CLVS2: variants seen among roughly 807,000 people sequenced by gnomAD.
CLVS2 encodes clavesin 2.
In CLVS2, 19 loss-of-function variants were observed where a neutral mutation model predicts 29.0. The observed-to-expected ratio is 0.66, with a 90% confidence interval of 0.46 to 0.96. CLVS2 has a LOEUF of 0.96. Among genes scored for constraint, CLVS2 ranks in the 40% least tolerant of loss-of-function variants. The pLI is 0.00. For missense variants in CLVS2, 294 were observed against 404.1 expected, an observed-to-expected ratio of 0.73 and a Z score of 2.34; for synonymous variants, 161 against 151.3, an observed-to-expected ratio of 1.06 and a Z score of -0.47.
At chr6:123,047,999 G>A (rs1285965150) in intron 3 of CLVS2, among the ~76,000 whole-genome samples, 6 of 152,070 alleles carry the variant, frequency 3.9e-5, no homozygotes, top group Non-Finnish European at 5.9e-5. Flanking sequence ...AGAGAGATTC[G>A]ATTTTCATTT....
At chr6:123,026,365 T>C (rs1010702513) in intron 3 of CLVS2, among the ~76,000 whole-genome samples, 3 of 152,164 alleles carry the variant, frequency 2.0e-5, no homozygotes, top group Admixed American at 1.3e-4. Context: ...CAAAGAGACA[T>C]GATATATGGT....
chr6:123,024,919 A>G (rs932498204), intron 3 of CLVS2, among the ~76,000 whole-genome samples: 3 of 152,132 alleles, frequency 2.0e-5, no homozygotes, highest in Non-Finnish European at 4.4e-5. Context: ...AGGTATTAAA[A>G]TAGTCAACCA....
chr6:123,050,501 G>A (rs759804192), intron 4 of CLVS2, among the ~76,000 whole-genome samples: 1 of 152,208 alleles, frequency 6.6e-6, no homozygotes, highest in Admixed American at 6.5e-5. Flanking sequence ...TCGTAGAGCC[G>A]GATACGTGAA....
chr6:122,998,403 A>G (rs983430207), intron 2 of CLVS2, among the ~76,000 whole-genome samples: 3 of 152,170 alleles, frequency 2.0e-5, no homozygotes, highest in African/African-American at 7.2e-5. Flanking sequence ...TTAAGGTGCT[A>G]CCTTAACCAC....
intron 2 of CLVS2, among the ~76,000 whole-genome samples, chr6:123,007,482 A>G (rs908136583): frequency 2.6e-5 from 4 of 152,214 alleles, no homozygotes; most frequent in Non-Finnish European, 4.4e-5. Flanking sequence ...TAATTCATGA[A>G]TATATATCCT....
At chr6:123,040,769 AAAAAGAAAAGAAAAGAAAAG>A (rs79565060) in intron 3 of CLVS2, among the ~76,000 whole-genome samples, 4 of 145,958 alleles carry the variant, frequency 2.7e-5, no homozygotes, top group African/African-American at 1.0e-4. Flanking sequence ...CTCCGTCTCA[AAAAAGAAAAGAAAAGAAAAG>A]AAAAGAAAAG....
At chr6:123,034,523 C>T (rs1042118413) in intron 3 of CLVS2, among the ~76,000 whole-genome samples, 1 of 152,078 alleles carries the variant, frequency 6.6e-6, no homozygotes, top group African/African-American at 2.4e-5. Flanking sequence ...ATCAAAATTA[C>T]AGAGCCAGAG....
At chr6:123,013,977 C>A (rs1774789299) in intron 3 of CLVS2, among the ~76,000 whole-genome samples, 1 of 152,110 alleles carries the variant, frequency 6.6e-6, no homozygotes, top group Non-Finnish European at 1.5e-5. Context: ...CATGTCCCTA[C>A]AAAGGACATG....
chr6:123,050,714 A>T (rs9388174), intron 4 of CLVS2, among the ~76,000 whole-genome samples: 1 of 151,834 alleles, frequency 6.6e-6, no homozygotes, highest in African/African-American at 2.4e-5. Context: ...ACAGGGACTC[A>T]TATACCATTG....
chr6:123,049,807 G>GGGC (rs1554203172), intron 4 of CLVS2, among the ~76,000 whole-genome samples: 5 of 143,398 alleles, frequency 3.5e-5, no homozygotes, highest in African/African-American at 1.5e-4. Flanking sequence ...TGTGGGATGG[G>GGGC]GGGCGGGGAG....
intron 4 of CLVS2, among the ~76,000 whole-genome samples, chr6:123,052,697 G>A (rs994277593): frequency 1.3e-5 from 2 of 152,172 alleles, no homozygotes; most frequent in African/African-American, 4.8e-5. Flanking sequence ...GGGGAGTAAA[G>A]GGCTGAGTTG....
intron 3 of CLVS2, among the ~76,000 whole-genome samples, chr6:123,020,118 C>T (rs1774898241): frequency 1.3e-5 from 2 of 152,002 alleles, no homozygotes; most frequent in African/African-American, 2.4e-5. Context: ...AACCAAACAC[C>T]TGAGCACCCC....
At position 122,997,488 on chromosome 6, in the gene CLVS2, T is replaced by C. The variant is rs1018570699; in HGVS notation, c.-290T>C. The C allele has an allele frequency of 2.2e-6, 1 of 449,982 alleles. No individual in the cohort carries two copies. Among genetic ancestry groups the C allele is most frequent in the Non-Finnish European group, 4.1e-6 (1 of 241,164 alleles). The allele number at this position is 449,982 out of a possible 1,614,324, so 27.9% of individuals were successfully genotyped here. A position where few individuals can be genotyped will look rare whatever the true frequency, so the allele number is the denominator to read the frequency against. On this transcript the variant is annotated 5_prime_UTR_variant, in exon 2 of 6. Coordinates refer to ENST00000275162, the MANE Select transcript of CLVS2 (RefSeq NM_001010852.4). Reference sequence around the variant, plus strand: ...GGACAAGAAGAGGAGTGCGGAGCCCTTCAGGGGTTCACATCTCTTTAAAGG... The same window carrying C: ...GGACAAGAAGAGGAGTGCGGAGCCCCTCAGGGGTTCACATCTCTTTAAAGG...
chr6:122,998,542 T>TA (rs1351075070), intron 2 of CLVS2, among the ~76,000 whole-genome samples: 3 of 152,158 alleles, frequency 2.0e-5, no homozygotes, highest in African/African-American at 4.8e-5. Context: ...TCCTTCTTCC[T>TA]AAAAAAATTC....
Position 123,065,409 on chromosome 6 carries a change from T to C in CLVS2, c.*1648T>C, listed in dbSNP as rs568022494. ...TTTGTTATAATTCTGCAGCCAAAAA[T>C]TGTAAAAGCAAGCTGAATACACCAA... On this transcript the variant is annotated 3_prime_UTR_variant, in exon 6 of 6. Coordinates refer to ENST00000275162, the MANE Select transcript of CLVS2 (RefSeq NM_001010852.4). 1.1e-4 allele frequency: 17 copies of C among 151,922 alleles called. No individual in the cohort carries two copies. The highest frequency in any genetic ancestry group is 3.4e-4 in the African/African-American group (14 of 41,522). The allele number at this position is 151,922 out of a possible 1,614,324, so 9.4% of individuals were successfully genotyped here. A position where few individuals can be genotyped will look rare whatever the true frequency, so the allele number is the denominator to read the frequency against.
intron 3 of CLVS2, 138 bp from the exon 4 acceptor site, chr6:123,048,484 T>C: frequency 1.7e-6 from 1 of 576,888 alleles, no homozygotes. Context: ...GGTAAGGTTC[T>C]TCTTTTCTCT....
intron 3 of CLVS2, among the ~76,000 whole-genome samples, chr6:123,046,991 C>A (rs1772524184): frequency 6.6e-6 from 1 of 151,982 alleles, no homozygotes. Flanking sequence ...TGAGTGGTTG[C>A]CTGAATTGTA....
intron 3 of CLVS2, among the ~76,000 whole-genome samples, chr6:123,027,435 G>A (rs1775019366): frequency 6.6e-6 from 1 of 152,102 alleles, no homozygotes; most frequent in Non-Finnish European, 1.5e-5. Context: ...AAAGGAAGGG[G>A]GAGATAGTTT....
Position 123,048,806 on chromosome 6 carries a change from T to C in CLVS2, c.675+74T>C, listed in dbSNP as rs1044951952. On this transcript the variant is annotated intron_variant, in intron 4 of 5. Coordinates refer to ENST00000275162, the MANE Select transcript of CLVS2 (RefSeq NM_001010852.4). Reference sequence around the variant, plus strand: ...ATTATAATGCATAATGTGTATATAATGTTAGCTATAGTAAAATGTACTTCT... The same window carrying C: ...ATTATAATGCATAATGTGTATATAACGTTAGCTATAGTAAAATGTACTTCT... 7 of 900,702 alleles carry C rather than the reference T, an allele frequency of 7.8e-6. No homozygotes were observed. In the East Asian group the frequency reaches 1.7e-4, roughly 22 times the overall value. 55.8% of individuals were successfully genotyped at this position (900,702 alleles called of 1,614,324 possible).
Sources: gnomAD v4.1 joint callset for allele counts (sites outside exome capture counted in the v4.1 genomes callset) on GRCh38, gnomAD v4.1.1 for gene constraint, MANE v1.5 for transcripts, NCBI Gene and HGNC (gene_info 2026-07-23, HGNC 2026-07-21) for gene names.